Variants in DIAPH3 observed in about 807,000 individuals in gnomAD.
The protein encoded by DIAPH3 is diaphanous related formin 3, also known as protein diaphanous homolog 3.
In DIAPH3, 117 loss-of-function variants were observed where a neutral mutation model predicts 144.3. The observed-to-expected ratio is 0.81, with a 90% CI of 0.70 to 0.95. DIAPH3 has a LOEUF of 0.95. Among genes scored for constraint, DIAPH3 ranks in the 40% least tolerant of loss-of-function variants. DIAPH3 has a pLI of 0.00. For synonymous variants in DIAPH3, 519 were observed against 488.9 expected, an observed-to-expected ratio of 1.06 and a Z score of -0.81; for missense variants, 1,421 against 1,412.7, an observed-to-expected ratio of 1.01 and a Z score of -0.09.
intron 12 of DIAPH3, among the ~76,000 whole-genome samples, chr13:59,987,556 A>G (rs2051498519): frequency 1.3e-5 from 2 of 149,362 alleles, no homozygotes; most frequent in Admixed American, 6.7e-5. Flanking sequence ...ATGAGTAGGT[A>G]TTTATTGCTT....
chr13:59,787,007 G>C (rs919810849), intron 25 of DIAPH3, among the ~76,000 whole-genome samples: 2 of 152,054 alleles, frequency 1.3e-5, no homozygotes, highest in Admixed American at 1.3e-4. Flanking sequence ...GGGGTGACGT[G>C]GGGGGATCAC....
chr13:59,818,291 G>GT (rs2040886062), intron 24 of DIAPH3, among the ~76,000 whole-genome samples: 2 of 151,926 alleles, frequency 1.3e-5, no homozygotes, highest in African/African-American at 4.8e-5. Flanking sequence ...TTTGTTTCCT[G>GT]TTTATCTACA....
At position 59,910,583 on chromosome 13, in the gene DIAPH3, G is replaced by A. The variant is rs143337268; in HGVS notation, c.2367+1152C>T. Among the ~76,000 whole-genome samples the A allele has an allele frequency of 1.9e-4, 29 of 151,846 alleles. No individual in the cohort carries two copies. In the East Asian group the frequency reaches 5.2e-3, roughly 27 times the overall value. ...TCTCTATTAAAAATACAAAAAAATA[G>A]CTGAGTGTAGTGTTGGCCACCTATA... On this transcript the variant is annotated intron_variant, in intron 20 of 27. Coordinates refer to ENST00000400324, the MANE Select transcript of DIAPH3 (RefSeq NM_001042517.2).
intron 4 of DIAPH3, among the ~76,000 whole-genome samples, chr13:60,068,725 G>T (rs1208526155): frequency 6.6e-6 from 1 of 152,044 alleles, no homozygotes; most frequent in Admixed American, 6.6e-5. Flanking sequence ...TTTAGCTTCT[G>T]CTTATAAATG....
At chr13:60,138,686 T>C (rs1420263912) in intron 1 of DIAPH3, among the ~76,000 whole-genome samples, 2 of 151,992 alleles carry the variant, frequency 1.3e-5, no homozygotes, top group African/African-American at 4.8e-5. Flanking sequence ...AGATTGTTCA[T>C]TGTATCAGAC....
At chr13:59,833,398 C>G in intron 23 of DIAPH3, 127 bp from the exon 24 acceptor site, 1 of 663,894 alleles carries the variant, frequency 1.5e-6, no homozygotes, top group Non-Finnish European at 2.5e-6. Context: ...AAAATTACTT[C>G]TAATAGTTGA....
chr13:60,062,853 A>G (rs1009553122), intron 4 of DIAPH3, among the ~76,000 whole-genome samples: 1 of 152,234 alleles, frequency 6.6e-6, no homozygotes, highest in Non-Finnish European at 1.5e-5. Flanking sequence ...AAAAATGGTA[A>G]CGATCATCTG....
chr13:59,686,047 C>A (rs1312086222), intron 27 of DIAPH3, among the ~76,000 whole-genome samples: 1 of 152,090 alleles, frequency 6.6e-6, no homozygotes, highest in Admixed American at 6.6e-5. Context: ...TTAGACTCAG[C>A]TTCATCAGTC....
At chr13:59,753,110 G>A (rs1317893586) in intron 27 of DIAPH3, among the ~76,000 whole-genome samples, 4 of 152,106 alleles carry the variant, frequency 2.6e-5, no homozygotes, top group Non-Finnish European at 5.9e-5. Flanking sequence ...TTTTAGCTCT[G>A]AGGCTAATAC....
intron 2 of DIAPH3, among the ~76,000 whole-genome samples, chr13:60,124,249 T>C (rs1368964273): frequency 1.3e-5 from 2 of 152,202 alleles, no homozygotes; most frequent in East Asian, 3.8e-4. Context: ...AGGTGATTTC[T>C]GCAGTGGCTC....
At chr13:60,049,512 C>G (rs1037724242) in intron 4 of DIAPH3, among the ~76,000 whole-genome samples, 2 of 152,190 alleles carry the variant, frequency 1.3e-5, no homozygotes, top group Admixed American at 1.3e-4. Flanking sequence ...CTACTACAAC[C>G]CTTACCCAGG....
chr13:59,882,923 AC>A, intron 20 of DIAPH3, among the ~76,000 whole-genome samples: 2 of 152,136 alleles, frequency 1.3e-5, no homozygotes, highest in East Asian at 1.9e-4. Flanking sequence ...TAACCCCCCC[AC>A]ACACAGATGT....
intron 24 of DIAPH3, among the ~76,000 whole-genome samples, chr13:59,825,323 T>A (rs922617104): frequency 6.6e-6 from 1 of 152,114 alleles, no homozygotes; most frequent in Non-Finnish European, 1.5e-5. Context: ...TTACTGAGAA[T>A]ATGATTTCCA....
At chr13:59,989,747 T>G (rs1212551746) in intron 12 of DIAPH3, among the ~76,000 whole-genome samples, 1 of 151,914 alleles carries the variant, frequency 6.6e-6, no homozygotes, top group Non-Finnish European at 1.5e-5. Context: ...TTTAATCTGT[T>G]TTGAAGCTAG....
At chr13:60,049,749 G>A (rs2056249602) in intron 4 of DIAPH3, among the ~76,000 whole-genome samples, 1 of 152,218 alleles carries the variant, frequency 6.6e-6, no homozygotes, top group South Asian at 2.1e-4. Flanking sequence ...TGACGTAAAA[G>A]TCAAAGATGA....
At chr13:59,762,619 CT>C (rs1034591648) in intron 27 of DIAPH3, among the ~76,000 whole-genome samples, 23 of 147,088 alleles carry the variant, frequency 1.6e-4, no homozygotes, top group South Asian at 2.1e-4. Flanking sequence ...CCTATTGCCT[CT>C]TTTTTTTTTA....
At chr13:60,033,140 A>G (rs1251875666) in intron 5 of DIAPH3, among the ~76,000 whole-genome samples, 1 of 152,228 alleles carries the variant, frequency 6.6e-6, no homozygotes, top group East Asian at 1.9e-4. Flanking sequence ...AGACCTCTTC[A>G]GCATGGATTT....
At chr13:59,786,249 T>C (rs1221659354) in intron 25 of DIAPH3, among the ~76,000 whole-genome samples, 1 of 152,202 alleles carries the variant, frequency 6.6e-6, no homozygotes, top group East Asian at 1.9e-4. Flanking sequence ...CAAATTTGAA[T>C]CTAAATAATT....
chr13:59,742,456 T>G (rs2036503103), intron 27 of DIAPH3, among the ~76,000 whole-genome samples: 1 of 152,050 alleles, frequency 6.6e-6, no homozygotes, highest in Non-Finnish European at 1.5e-5. Context: ...TCCTTCTGGG[T>G]AACAGGGAGG....
Sources: gnomAD v4.1 joint callset for allele counts (sites outside exome capture counted in the v4.1 genomes callset) on GRCh38, gnomAD v4.1.1 for gene constraint, MANE v1.5 for transcripts, NCBI Gene and HGNC (gene_info 2026-07-23, HGNC 2026-07-21) for gene names.